Variants in PTPRT observed in about 807,000 individuals in gnomAD.
PTPRT encodes protein tyrosine phosphatase receptor type T, also known as receptor-type tyrosine-protein phosphatase T.
PTPRT carries 56 observed loss-of-function variants against 176.8 expected under a neutral mutation model. The observed-to-expected ratio is 0.32, with a 90% CI of 0.26 to 0.40. PTPRT has a LOEUF of 0.40. PTPRT is among the 10% of genes least tolerant of loss of function. The pLI, the probability that PTPRT is intolerant of heterozygous loss-of-function variation, is 1.00. For synonymous variants in PTPRT, 783 were observed against 739.0 expected, an observed-to-expected ratio of 1.06 and a Z score of -0.96; for missense variants, 1,540 against 1,908.2, an observed-to-expected ratio of 0.81 and a Z score of 3.60.
In PTPRT at chr20:42,640,110, A is replaced by AC. The variant is rs1207248082; in HGVS notation, c.1153+37755dup. Among the ~76,000 whole-genome samples, 4 of 152,246 alleles carry AC rather than the reference A, an allele frequency of 2.6e-5. No individual in the cohort carries two copies. The East Asian group carries it at 7.7e-4, about 29-fold the overall frequency. On this transcript the variant is annotated intron_variant, in intron 7 of 30. Transcript: ENST00000373187. Reference sequence around the variant, plus strand: ...GTTTCTGCCCATACCACACCTCTGTACCTGCCCTCACCAAGTCTAACAAGT... The same window carrying AC: ...GTTTCTGCCCATACCACACCTCTGTACCCTGCCCTCACCAAGTCTAACAAGT...
At position 42,859,254 on chromosome 20, in the gene PTPRT, G is replaced by C. The variant is rs147918385; in HGVS notation, c.214+26553C>G. ...GAAGCAAGTTGATTTATCTTCTCAT[G>C]TTATGAACGGAATAACTGACACTCT... On this transcript the variant is annotated intron_variant, in intron 2 of 30. Coordinates refer to ENST00000373187, the MANE Select transcript of PTPRT (RefSeq NM_007050.6). 2.8e-3 allele frequency among the ~76,000 whole-genome samples: 434 copies of C among 152,282 alleles called. 2 individuals are homozygous for C. The highest frequency in any genetic ancestry group is 9.9e-3 in the African/African-American group (413 of 41,560).
chr20:42,972,560 G>T (rs1488808372), intron 1 of PTPRT, among the ~76,000 whole-genome samples: 4 of 151,696 alleles, frequency 2.6e-5, no homozygotes, highest in Admixed American at 6.6e-5. Context: ...CTACTCAGGA[G>T]GCTGAGGCAT....
chr20:42,908,287 C>A (rs2079504080), intron 1 of PTPRT, among the ~76,000 whole-genome samples: 1 of 152,200 alleles, frequency 6.6e-6, no homozygotes, highest in East Asian at 1.9e-4. Context: ...CCCAGAAGCA[C>A]GTCTGAATTT....
chr20:42,985,405 G>C (rs1188082683), intron 1 of PTPRT, among the ~76,000 whole-genome samples: 1 of 152,094 alleles, frequency 6.6e-6, no homozygotes, highest in African/African-American at 2.4e-5. Flanking sequence ...TGAGACAGGA[G>C]AATCACTTGA....
At chr20:43,008,119 A>G (rs994048702) in intron 1 of PTPRT, among the ~76,000 whole-genome samples, 1 of 152,222 alleles carries the variant, frequency 6.6e-6, no homozygotes, top group Non-Finnish European at 1.5e-5. Context: ...CTAAATGTTT[A>G]GGTCCCCTCA....
At chr20:42,244,748 A>G (rs934200404) in intron 14 of PTPRT, among the ~76,000 whole-genome samples, 1 of 152,248 alleles carries the variant, frequency 6.6e-6, no homozygotes, top group Non-Finnish European at 1.5e-5. Flanking sequence ...TTCACGCTCC[A>G]CAAACAAACA....
chr20:42,220,755 G>A (rs2055867608), intron 15 of PTPRT, among the ~76,000 whole-genome samples: 1 of 151,896 alleles, frequency 6.6e-6, no homozygotes, highest in Non-Finnish European at 1.5e-5. Flanking sequence ...CTTTTTATAG[G>A]ATACTATAAA....
At chr20:42,990,454 T>A (rs1983844336) in intron 1 of PTPRT, among the ~76,000 whole-genome samples, 1 of 152,166 alleles carries the variant, frequency 6.6e-6, no homozygotes, top group Admixed American at 6.5e-5. Context: ...GAAAAAAATG[T>A]TTTTAATGTA....
At chr20:42,594,377 A>G (rs773425634) in intron 7 of PTPRT, among the ~76,000 whole-genome samples, 1 of 152,172 alleles carries the variant, frequency 6.6e-6, no homozygotes, top group Non-Finnish European at 1.5e-5. Context: ...AGGCATTAAT[A>G]TCCTTTATGA....
chr20:42,352,436 A>G, intron 9 of PTPRT, 151 bp from the exon 10 acceptor site: 1 of 696,262 alleles, frequency 1.4e-6, no homozygotes, highest in African/African-American at 1.8e-5. Context: ...GTTGCTGTCC[A>G]CTTTCCAGAT....
At chr20:42,369,328 C>T (rs1218812286) in intron 9 of PTPRT, among the ~76,000 whole-genome samples, 1 of 152,138 alleles carries the variant, frequency 6.6e-6, no homozygotes. Context: ...GAATAAATAA[C>T]TCATGAACCG....
intron 7 of PTPRT, among the ~76,000 whole-genome samples, chr20:42,665,508 G>C (rs1401937715): frequency 1.3e-5 from 2 of 152,094 alleles, no homozygotes; most frequent in Admixed American, 1.3e-4. Context: ...CTGTAAACTA[G>C]TTCAACCATT....
At chr20:42,143,310 C>T (rs755707874) in intron 17 of PTPRT, among the ~76,000 whole-genome samples, 1 of 151,960 alleles carries the variant, frequency 6.6e-6, no homozygotes, top group Non-Finnish European at 1.5e-5. Flanking sequence ...AATCCCAGCA[C>T]TTTGGGAGGC....
At chr20:43,077,069 C>A (rs1313874419) in intron 1 of PTPRT, among the ~76,000 whole-genome samples, 1 of 152,136 alleles carries the variant, frequency 6.6e-6, no homozygotes, top group Non-Finnish European at 1.5e-5. Context: ...CTAAAAGGAC[C>A]AATGTGATCT....
At chr20:42,934,802 C>A (rs1980070536) in intron 1 of PTPRT, among the ~76,000 whole-genome samples, 1 of 152,050 alleles carries the variant, frequency 6.6e-6, no homozygotes, top group Admixed American at 6.5e-5. Flanking sequence ...AGCATGGTGG[C>A]TCACATCTGT....
intron 7 of PTPRT, among the ~76,000 whole-genome samples, chr20:42,487,531 C>T (rs1294983822): frequency 6.6e-6 from 1 of 152,074 alleles, no homozygotes; most frequent in Non-Finnish European, 1.5e-5. Flanking sequence ...GGATATGATC[C>T]TGGATTATCC....
rs760592062 is a variant in PTPRT at position 42,115,180 on chromosome 20, C to T, written c.3099+19G>A. On this transcript the variant is annotated intron_variant, in intron 22 of 30. Coordinates refer to ENST00000373187, the MANE Select transcript of PTPRT (RefSeq NM_007050.6). Reference sequence around the variant, plus strand: ...GCTCTCATGGTGGACCGGCTGCCCACAGCCTCCAAGAAGCTTACCTTCTGG... The same window carrying T: ...GCTCTCATGGTGGACCGGCTGCCCATAGCCTCCAAGAAGCTTACCTTCTGG... The T allele has an allele frequency of 1.9e-6, 3 of 1,586,364 alleles. No homozygotes were observed. In the African/African-American group the frequency reaches 4.0e-5, roughly 21 times the overall value.
At chr20:42,420,455 G>GGA (rs143739738) in intron 9 of PTPRT, among the ~76,000 whole-genome samples, 15 of 151,888 alleles carry the variant, frequency 9.9e-5, no homozygotes, top group African/African-American at 3.4e-4. Context: ...TAGAAAACCC[G>GGA]GAGAGAGAGA....
intron 9 of PTPRT, among the ~76,000 whole-genome samples, chr20:42,402,473 A>G: frequency 7.4e-6 from 1 of 134,926 alleles, no homozygotes; most frequent in East Asian, 2.5e-4. Flanking sequence ...CTCAGGGAGG[A>G]TAGTGCAGTT....
Sources: allele counts gnomAD v4.1 joint callset (sites outside exome capture counted in the v4.1 genomes callset), GRCh38; gene constraint gnomAD v4.1.1; transcripts MANE v1.5; gene names NCBI Gene and HGNC (gene_info 2026-07-23, HGNC 2026-07-21).